SLC9A5: variants seen among roughly 807,000 people sequenced by gnomAD.
The protein encoded by SLC9A5 is sodium/hydrogen exchanger 5.
Under a neutral mutation model 91.7 loss-of-function variants are expected in SLC9A5, and 52 were observed. That is an observed-to-expected ratio of 0.57 (90% CI 0.45 to 0.71). The LOEUF (loss-of-function observed/expected upper bound fraction) is 0.71. Among genes scored for constraint, SLC9A5 ranks in the 30% least tolerant of loss-of-function variants. The probability of loss-of-function intolerance (pLI) is 0.00; values close to 1 mark genes in which losing one functional copy is unlikely to be tolerated. For missense variants in SLC9A5, 871 were observed against 1,158.9 expected (o/e 0.75, Z 3.61); for synonymous variants, 419 against 474.5 (o/e 0.88, Z 1.52).
intron 12 of SLC9A5, 95 bp downstream of exon 12, chr16:67,260,041 A>G: frequency 6.7e-7 from 1 of 1,499,568 alleles, no homozygotes; most frequent in Non-Finnish European, 8.9e-7. Context: ...AGAGCTGCAG[A>G]TGCCCAGCTA....
intron 10 of SLC9A5, 35 bp from the exon 11 acceptor site, chr16:67,259,534 CATCT>C (rs1204421029): frequency 6.8e-7 from 1 of 1,468,506 alleles, no homozygotes; most frequent in South Asian, 1.1e-5. Context: ...GGCAACCCTC[CATCT>C]GATTGCTGGC....
In SLC9A5 at chr16:67,256,996, C is replaced by G; in HGVS notation, c.1218C>G (p.Gly406=). ...KIDQVVMSYG[G]LRGAVAFALV... ...ACCAAGTGGTGATGTCCTATGGGGG[C>G]CTGCGGGGGGCTGTGGCCTTTGCTC... The change falls in exon 7 of 16, where the codon GGC becomes GGG. Residue 406 remains glycine, a synonymous_variant. Coordinates refer to ENST00000299798, the MANE Select transcript of SLC9A5 (RefSeq NM_004594.3). This position sits in a 1 kb window ranked among gnomAD's most constrained non-coding sequence, Gnocchi z 4.1. 1 of 1,614,092 alleles carries G rather than the reference C, an allele frequency of 6.2e-7. No homozygotes were observed. The highest frequency in any genetic ancestry group is 8.5e-7 in the Non-Finnish European group (1 of 1,180,008).
Position 67,257,766 on chromosome 16 carries a change from G to C in SLC9A5, c.1496+165G>C, listed in dbSNP as rs1268658855. On this transcript the variant is annotated intron_variant, in intron 9 of 15. Transcript: ENST00000299798. The surrounding 1 kb of genome is among the most constrained non-coding windows in gnomAD (Gnocchi z 5.1). ...CCCAGTGCTCTCAGGTTAAGACAAG[G>C]CTCCCCAGTGTGGCCTGCTTGGCCC... Among the ~76,000 whole-genome samples the C allele has an allele frequency of 6.6e-6, 1 of 152,202 alleles. No individual in the cohort carries two copies. Among genetic ancestry groups the C allele is most frequent in the Non-Finnish European group, 1.5e-5 (1 of 68,034 alleles).
chr16:67,259,072 A>C (rs1231322390), intron 10 of SLC9A5, among the ~76,000 whole-genome samples: 1 of 152,008 alleles, frequency 6.6e-6, no homozygotes, highest in Non-Finnish European at 1.5e-5. Flanking sequence ...CGGCCTGGCC[A>C]ACATAGTGAA....
intron 2 of SLC9A5, among the ~76,000 whole-genome samples, chr16:67,253,456 A>AT (rs2035203805): frequency 6.6e-6 from 1 of 152,166 alleles, no homozygotes; most frequent in Non-Finnish European, 1.5e-5. Flanking sequence ...ACATGAGGAA[A>AT]TAGAACCCCT....
rs2035927922 is a variant in SLC9A5 at position 67,271,587 on chromosome 16, T to C, written c.*377T>C. The C allele has an allele frequency of 4.4e-6, 1 of 226,380 alleles. No homozygotes were observed. Among genetic ancestry groups the C allele is most frequent in the African/African-American group, 2.2e-5 (1 of 44,546 alleles). The allele number at this position is 226,380 out of a possible 1,614,324, so 14.0% of individuals were successfully genotyped here. ...CAAGAGCATCATTCCTATTCTTCAG[T>C]GGATGCCAGCCTTCCCTGCCCCAAC... On this transcript the variant is annotated 3_prime_UTR_variant, in exon 16 of 16. Coordinates refer to ENST00000299798, the MANE Select transcript of SLC9A5 (RefSeq NM_004594.3).
rs535100662 is a variant in SLC9A5 at position 67,264,121 on chromosome 16, G to GT, written c.1843-228dup. 6.6e-5 allele frequency among the ~76,000 whole-genome samples: 10 copies of GT among 152,368 alleles called. No homozygotes were observed. In the South Asian group the frequency reaches 2.1e-3, roughly 32 times the overall value. ...GATGGCAAGGGTTGGGGAAGGCCAGGTTTGGGGGAATAAGTTCTGGGATAA... is the reference window on the plus strand; with the variant it reads ...GATGGCAAGGGTTGGGGAAGGCCAGGTTTTGGGGGAATAAGTTCTGGGATAA... On this transcript the variant is annotated intron_variant, in intron 12 of 15. Coordinates refer to ENST00000299798, the MANE Select transcript of SLC9A5 (RefSeq NM_004594.3).
chr16:67,262,526 G>A, intron 12 of SLC9A5: 2 of 307,600 alleles, frequency 6.5e-6, no homozygotes, highest in Non-Finnish European at 1.3e-5. Context: ...GGCTTCACCT[G>A]GAGATTCTGA....
Position 67,255,845 on chromosome 16 carries a change from C to A in SLC9A5, c.826C>A (p.Arg276Ser), listed in dbSNP as rs533360234. 3.7e-6 allele frequency: 6 copies of A among 1,612,664 alleles called. No homozygotes were observed. The highest frequency in any genetic ancestry group is 1.6e-4 in the Middle Eastern group (1 of 6,080). The change falls in exon 5 of 16, where the codon CGC becomes AGC. Residue 276 changes from arginine to serine, a missense_variant. Arg to Ser is a moderately radical substitution (Grantham distance 110). Transcript: ENST00000299798. The surrounding 1 kb of genome is among the most constrained non-coding windows in gnomAD (Gnocchi z 4.9). ...GACCACACGCTTCACCAAGCGGGTCCGCATCATCGAGCCGCTGCTGGTCTT... is the reference window on the plus strand; with the variant it reads ...GACCACACGCTTCACCAAGCGGGTCAGCATCATCGAGCCGCTGCTGGTCTT... The part of the protein sequence containing the change: ...ALTTRFTKRV[R>S]IIEPLLVFLL...
chr16:67,257,562 A>T lies in SLC9A5; in HGVS notation c.1457A>T (p.Asp486Val), dbSNP rs909696220. 1.2e-6 allele frequency: 2 copies of T among 1,613,692 alleles called. No individual in the cohort carries two copies. The highest frequency in any genetic ancestry group is 1.7e-6 in the Non-Finnish European group (2 of 1,179,928). ...GACCACATTCTGGCTGCAGTGGAGG[A>T]CGTTGTGGGGCACCATGGCTACCAC... ...TFDHILAAVE[D>V]VVGHHGYHYW... Residue 486 changes from aspartate (D) to valine (V), a missense_variant, in exon 9 of 16, where the codon GAC (aspartate) becomes GTC (valine). This residue lies in a region of SLC9A5 where 454 missense variants were observed against 718.3 expected (regional missense o/e 0.63). Transcript: ENST00000299798. This position sits in a 1 kb window ranked among gnomAD's most constrained non-coding sequence, Gnocchi z 5.1.
chr16:67,264,471 C>T lies in SLC9A5; in HGVS notation c.1962C>T (p.Asn654=). 3 of 1,614,216 alleles carry T rather than the reference C, an allele frequency of 1.9e-6. No homozygotes were observed. Among genetic ancestry groups the T allele is most frequent in the Non-Finnish European group, 2.5e-6 (3 of 1,180,030 alleles). The change falls in exon 13 of 16, where the codon AAC becomes AAT. Residue 654 remains asparagine, a synonymous_variant. Coordinates refer to ENST00000299798, the MANE Select transcript of SLC9A5 (RefSeq NM_004594.3). Reference sequence around the variant, plus strand: ...AGTCCTTTAAGTCCACCAAGCACAACATCTGCTTCACCAAGAGCAAGCCAC... The same window carrying T: ...AGTCCTTTAAGTCCACCAAGCACAATATCTGCTTCACCAAGAGCAAGCCAC... ...RLESFKSTKH[N]ICFTKSKPRP...
chr16:67,254,354 G>T (rs2035234569), intron 2 of SLC9A5, among the ~76,000 whole-genome samples: 1 of 152,176 alleles, frequency 6.6e-6, no homozygotes, highest in African/African-American at 2.4e-5. Flanking sequence ...TTTGCTGGTA[G>T]TTATTATTAC....
At chr16:67,265,536 AG>A (rs1267700664) in intron 14 of SLC9A5, among the ~76,000 whole-genome samples, 3 of 152,150 alleles carry the variant, frequency 2.0e-5, no homozygotes, top group Non-Finnish European at 4.4e-5. Flanking sequence ...CTTCTGCCTC[AG>A]CCTCCCAAGT....
Position 67,255,325 on chromosome 16 carries a change from A to C in SLC9A5, c.655-68A>C. The stretch of plus-strand genomic sequence containing the variant: ...TCTGCTTTCACCCTGCTCTCCCAGC[A>C]GTCTGTCTCCCAGCAGTCCCAGTTG... On this transcript the variant is annotated intron_variant, in intron 3 of 15. Transcript: ENST00000299798. The surrounding 1 kb of genome is among the most constrained non-coding windows in gnomAD (Gnocchi z 4.9). The C allele has an allele frequency of 1.3e-6, 2 of 1,543,828 alleles. No individual in the cohort carries two copies. Among genetic ancestry groups the C allele is most frequent in the Non-Finnish European group, 1.8e-6 (2 of 1,122,454 alleles).
At position 67,257,176 on chromosome 16, in the gene SLC9A5, C is replaced by A. The variant is rs1487345867; in HGVS notation, c.1335+63C>A. The A allele has an allele frequency of 2.0e-6, 3 of 1,509,126 alleles. No homozygotes were observed. Among genetic ancestry groups the A allele is most frequent in the African/African-American group, 1.4e-5 (1 of 72,858 alleles). The allele number at this position is 1,509,126 out of a possible 1,614,324, so 93.5% of individuals were successfully genotyped here. ...GGCAGGCCCTGGGGGAGTCTTGGAG[C>A]CTGTGGGACAGGGGCTTCTCTTCCC... is the stretch of plus-strand genomic sequence containing the variant. On this transcript the variant is annotated intron_variant, in intron 7 of 15. Transcript: ENST00000299798. The surrounding 1 kb of genome is among the most constrained non-coding windows in gnomAD (Gnocchi z 5.1).
chr16:67,270,055 G>A lies in SLC9A5; in HGVS notation c.2219-683G>A, dbSNP rs554208245. 2.2e-4 allele frequency among the ~76,000 whole-genome samples: 33 copies of A among 152,264 alleles called. No homozygotes were observed. The highest frequency in any genetic ancestry group is 9.8e-4 in the Admixed American group (15 of 15,292). On this transcript the variant is annotated intron_variant, in intron 15 of 15. Transcript: ENST00000299798. This position sits in a 1 kb window ranked among gnomAD's most constrained non-coding sequence, Gnocchi z 4.3. ...TTTCTTTCCCTCTCTGGTGGCTGGC[G>A]TTTCTCCCTCGCTGGTTGGCTGGGA...
Position 67,255,511 on chromosome 16 carries a change from C to A in SLC9A5, c.733+40C>A. ...GCTCCCAGCTGGCATTGGAGGTCTG[C>A]CTCCCCTGGGTTGCTGAGGCCCTCC... On this transcript the variant is annotated intron_variant, in intron 4 of 15. Transcript: ENST00000299798. This position sits in a 1 kb window ranked among gnomAD's most constrained non-coding sequence, Gnocchi z 4.9. The A allele has an allele frequency of 6.3e-7, 1 of 1,599,904 alleles. No individual in the cohort carries two copies. Among genetic ancestry groups the A allele is most frequent in the Non-Finnish European group, 8.6e-7 (1 of 1,167,300 alleles).
chr16:67,256,580 C>T lies in SLC9A5; in HGVS notation c.1023C>T (p.Thr341=), dbSNP rs779192657. The T allele has an allele frequency of 6.2e-5, 100 of 1,613,894 alleles. No homozygotes were observed. The highest frequency in any genetic ancestry group is 7.6e-5 in the Non-Finnish European group (90 of 1,179,902). Residue 341 remains threonine (T), a synonymous_variant, in exon 6 of 16, where the codon ACC becomes ACT. Transcript: ENST00000299798. This position sits in a 1 kb window ranked among gnomAD's most constrained non-coding sequence, Gnocchi z 4.1. ...TMKTLASCAE[T]VIFMLLGISA... ...AGACTCTAGCCAGCTGTGCTGAGAC[C>T]GTGATCTTCATGCTGCTTGGCATCT...
In SLC9A5 at chr16:67,257,546, C is replaced by G; in HGVS notation, c.1441C>G (p.Leu481Val). ...ELHEHTFDHI[L>V]AAVEDVVGHH... ...CCCCTTCTAGACTTTTGACCACATT[C>G]TGGCTGCAGTGGAGGACGTTGTGGG... Residue 481 changes from leucine to valine, a missense_variant, in exon 9 of 16, where the codon CTG becomes GTG. By Grantham distance (32) the Leu-to-Val change is conservative. This residue lies in a region of SLC9A5 where 454 missense variants were observed against 718.3 expected (regional missense o/e 0.63). Coordinates refer to ENST00000299798, the MANE Select transcript of SLC9A5 (RefSeq NM_004594.3). This position sits in a 1 kb window ranked among gnomAD's most constrained non-coding sequence, Gnocchi z 5.1. The G allele has an allele frequency of 1.2e-6, 2 of 1,614,130 alleles. No homozygotes were observed. The highest frequency in any genetic ancestry group is 1.7e-6 in the Non-Finnish European group (2 of 1,180,012).
Sources: gnomAD v4.1 joint callset for allele counts (sites outside exome capture counted in the v4.1 genomes callset) on GRCh38, gnomAD v4.1.1 for gene constraint, gnomAD v4.1.1 regional missense constraint, Gnocchi (gnomAD v3.1) non-coding constraint, MANE v1.5 for transcripts, NCBI Gene and HGNC (gene_info 2026-07-23, HGNC 2026-07-21) for gene names.